Variants in MYO3A observed in about 807,000 individuals in gnomAD.
MYO3A encodes myosin IIIA.
MYO3A carries 180 observed loss-of-function variants against 192.7 expected under a neutral mutation model. The observed-to-expected ratio is 0.93, with a 90% CI of 0.83 to 1.06. The LOEUF (loss-of-function observed/expected upper bound fraction) is 1.06, where lower values mean the gene tolerates loss of function less well. Among genes scored for constraint, MYO3A ranks in the 50% least tolerant of loss-of-function variants. The pLI is 0.00. For synonymous variants in MYO3A, 628 were observed against 645.3 expected (o/e 0.97, Z 0.41); for missense variants, 1,896 against 1,905.0 (o/e 1.00, Z 0.09).
chr10:26,141,812 ATTC>A (rs1308641127), intron 20 of MYO3A, among the ~76,000 whole-genome samples: 2 of 152,138 alleles, frequency 1.3e-5, no homozygotes, highest in South Asian at 2.1e-4. Flanking sequence ...TAGACCATCT[ATTC>A]TTCTCATTTT....
intron 20 of MYO3A, among the ~76,000 whole-genome samples, chr10:26,142,748 C>T (rs12781541): frequency 0.14 from 21,732 of 152,076 alleles, 1,761 homozygotes; most frequent in East Asian, 0.31. Context: ...CTTGTAACTA[C>T]GTAAATGTCT....
At chr10:26,031,399 C>T (rs1231938613) in intron 10 of MYO3A, among the ~76,000 whole-genome samples, 23 of 152,172 alleles carry the variant, frequency 1.5e-4, no homozygotes, top group Admixed American at 1.5e-3. Context: ...TCAAAATATT[C>T]GTAAACTGAC....
intron 18 of MYO3A, among the ~76,000 whole-genome samples, chr10:26,124,836 A>G (rs761632001): frequency 2.6e-5 from 4 of 152,230 alleles, no homozygotes; most frequent in Non-Finnish European, 5.9e-5. Context: ...AAATTTAGTA[A>G]TTGAAGTATG....
intron 31 of MYO3A, among the ~76,000 whole-genome samples, chr10:26,190,289 TGAA>T (rs1843065255): frequency 6.6e-6 from 1 of 152,096 alleles, no homozygotes; most frequent in South Asian, 2.1e-4. Flanking sequence ...CTGTAGGAAA[TGAA>T]GAAGAGGCAC....
At chr10:26,068,412 C>G (rs538166445) in intron 11 of MYO3A, among the ~76,000 whole-genome samples, 1 of 152,252 alleles carries the variant, frequency 6.6e-6, no homozygotes, top group South Asian at 2.1e-4. Flanking sequence ...AAATCATATT[C>G]ACTTTATCTT....
chr10:26,059,696 T>A (rs974225061), intron 10 of MYO3A, among the ~76,000 whole-genome samples: 3 of 152,388 alleles, frequency 2.0e-5, no homozygotes, highest in Middle Eastern at 3.4e-3. Context: ...TTGTGTTTTT[T>A]AAAAATATTT....
At chr10:26,038,810 T>A (rs569448610) in intron 10 of MYO3A, among the ~76,000 whole-genome samples, 2 of 152,356 alleles carry the variant, frequency 1.3e-5, no homozygotes, top group South Asian at 4.1e-4. Flanking sequence ...ATAGTAGTTA[T>A]GGATCTGACA....
intron 6 of MYO3A, among the ~76,000 whole-genome samples, chr10:26,014,247 TAAAC>T: frequency 6.6e-6 from 1 of 152,026 alleles, no homozygotes; most frequent in Non-Finnish European, 1.5e-5. Context: ...ATGTAACAAA[TAAAC>T]ACATGTACAT....
intron 14 of MYO3A, among the ~76,000 whole-genome samples, chr10:26,071,448 G>A (rs1362821781): frequency 2.0e-5 from 3 of 152,058 alleles, no homozygotes; most frequent in African/African-American, 7.2e-5. Context: ...AGAAAACGTA[G>A]GAAAAGTTCT....
chr10:26,198,793 A>G (rs1589118420), intron 32 of MYO3A, among the ~76,000 whole-genome samples: 1 of 152,290 alleles, frequency 6.6e-6, no homozygotes, highest in East Asian at 1.9e-4. Context: ...AAGCCAGAAA[A>G]TCTACGTGAG....
intron 23 of MYO3A, among the ~76,000 whole-genome samples, chr10:26,151,611 T>A (rs1334069723): frequency 1.3e-5 from 2 of 152,232 alleles, no homozygotes; most frequent in Non-Finnish European, 2.9e-5. Flanking sequence ...TGGTTTTTTT[T>A]AATCCAGTCT....
rs1213625400 is a variant in MYO3A, at chr10:26,205,631, T to G, written c.4730+2524T>G. On this transcript the variant is annotated intron_variant, in intron 34 of 34. Transcript: ENST00000642920. The stretch of plus-strand genomic sequence containing the variant: ...TTCTTTTTTTTTTTTTTTTTTTTTT[T>G]TTTGAGACAGAGTCTGGCTCTGTCG... Among the ~76,000 whole-genome samples the G allele has an allele frequency of 2.9e-4, 41 of 140,712 alleles. No individual in the cohort carries two copies. In the Middle Eastern group the frequency reaches 0.011, roughly 36 times the overall value. 92.3% of individuals were successfully genotyped at this position (140,712 alleles called of 152,430 possible).
chr10:26,064,547 C>G (rs978058219), intron 10 of MYO3A, among the ~76,000 whole-genome samples: 2 of 115,818 alleles, frequency 1.7e-5, no homozygotes, highest in African/African-American at 5.6e-5. Flanking sequence ...GTGACATGAT[C>G]TGACATTTTT....
At chr10:25,970,743 AATT>A (rs1838588016) in intron 4 of MYO3A, among the ~76,000 whole-genome samples, 2 of 151,926 alleles carry the variant, frequency 1.3e-5, no homozygotes, top group South Asian at 2.1e-4. Context: ...AAATGGGGAA[AATT>A]ATTATTGAAT....
chr10:26,183,835 G>A (rs1842734189), intron 31 of MYO3A, among the ~76,000 whole-genome samples: 1 of 152,172 alleles, frequency 6.6e-6, no homozygotes, highest in Non-Finnish European at 1.5e-5. Flanking sequence ...GACACTCAGA[G>A]CAGGACAAGC....
At chr10:26,049,672 T>TC (rs1843863464) in intron 10 of MYO3A, among the ~76,000 whole-genome samples, 2 of 69,938 alleles carry the variant, frequency 2.9e-5, no homozygotes, top group Admixed American at 1.5e-4. Context: ...TTTCTTTCTT[T>TC]CTTTTTTTTT....
chr10:26,006,192 A>G (rs996024432), intron 6 of MYO3A, among the ~76,000 whole-genome samples: 13 of 152,204 alleles, frequency 8.5e-5, no homozygotes, highest in African/African-American at 3.1e-4. Context: ...ACGAGAACAA[A>G]GACACAACAT....
chr10:26,145,344 C>G (rs1184691182), intron 21 of MYO3A, 102 bp from the exon 22 acceptor site: 2 of 775,386 alleles, frequency 2.6e-6, no homozygotes, highest in Non-Finnish European at 4.5e-6. Context: ...GTAAAATTTT[C>G]TTTGTTCACT....
chr10:25,997,748 C>T (rs555254872), intron 6 of MYO3A, among the ~76,000 whole-genome samples: 1 of 152,258 alleles, frequency 6.6e-6, no homozygotes, highest in South Asian at 2.1e-4. Flanking sequence ...GCTACAGTTA[C>T]CTGTGACTAA....
Sources: allele counts gnomAD v4.1 joint callset (sites outside exome capture counted in the v4.1 genomes callset), GRCh38; gene constraint gnomAD v4.1.1; transcripts MANE v1.5; gene names NCBI Gene and HGNC (gene_info 2026-07-23, HGNC 2026-07-21).